Variants in DLGAP1 observed in about 807,000 individuals in gnomAD.
DLGAP1 encodes the protein DLG associated protein 1.
Under a neutral mutation model 90.8 loss-of-function variants are expected in DLGAP1, and 11 were observed. That is an observed-to-expected ratio of 0.12 (90% CI 0.08 to 0.20). The LOEUF (loss-of-function observed/expected upper bound fraction) is 0.20, where lower values mean the gene tolerates loss of function less well. DLGAP1 is among the 10% of genes least tolerant of loss of function. The pLI, the probability that DLGAP1 is intolerant of heterozygous loss-of-function variation, is 1.00. For missense variants in DLGAP1, 1,050 were observed against 1,333.8 expected, an observed-to-expected ratio of 0.79 and a Z score of 3.31; for synonymous variants, 558 against 540.7, an observed-to-expected ratio of 1.03 and a Z score of -0.44.
intron 2 of DLGAP1, among the ~76,000 whole-genome samples, chr18:4,017,841 C>T (rs1168425466): frequency 6.6e-6 from 1 of 152,034 alleles, no homozygotes; most frequent in Non-Finnish European, 1.5e-5. Context: ...CTACCTAAAG[C>T]CTAATGTGCT....
chr18:3,717,707 G>T (rs1490169050), intron 7 of DLGAP1, among the ~76,000 whole-genome samples: 2 of 152,198 alleles, frequency 1.3e-5, no homozygotes, highest in Non-Finnish European at 2.9e-5. Context: ...CACTGGAGCA[G>T]CAAATTTCCA....
At chr18:3,672,577 CAAAAAAAAAAAAA>C (rs60316690) in intron 7 of DLGAP1, among the ~76,000 whole-genome samples, 4 of 39,556 alleles carry the variant, frequency 1.0e-4, no homozygotes, top group African/African-American at 3.6e-4. Context: ...AACTCTATCT[CAAAAAAAAAAAAA>C]AAAAAAAAAA....
intron 3 of DLGAP1, among the ~76,000 whole-genome samples, chr18:3,991,952 A>G (rs2149053315): frequency 6.6e-6 from 1 of 152,220 alleles, no homozygotes. Flanking sequence ...AATTGAAGAG[A>G]TTTTTATCTC....
chr18:4,087,028 G>GATATAT (rs145482904), intron 2 of DLGAP1, among the ~76,000 whole-genome samples: 44,915 of 121,792 alleles, frequency 0.37, 11,917 homozygotes, highest in Non-Finnish European at 0.44. Flanking sequence ...CCTTGTCTGA[G>GATATAT]ATATATATAT....
chr18:4,189,053 C>A (rs2077349342), intron 1 of DLGAP1, among the ~76,000 whole-genome samples: 1 of 151,968 alleles, frequency 6.6e-6, no homozygotes, highest in Non-Finnish European at 1.5e-5. Context: ...TTTTTATGTT[C>A]TTTTCTGATT....
At chr18:4,119,923 C>A (rs923702979) in intron 2 of DLGAP1, among the ~76,000 whole-genome samples, 2 of 152,102 alleles carry the variant, frequency 1.3e-5, no homozygotes. Context: ...TTATTTGATA[C>A]AATGACTGAA....
intron 2 of DLGAP1, among the ~76,000 whole-genome samples, chr18:4,011,654 C>T (rs562437111): frequency 2.4e-3 from 359 of 151,674 alleles, no homozygotes; most frequent in Non-Finnish European, 3.9e-3. Context: ...TTGTCTCTAC[C>T]AAAAAATAAA....
At chr18:4,224,502 T>A (rs2078144269) in intron 1 of DLGAP1, among the ~76,000 whole-genome samples, 1 of 152,076 alleles carries the variant, frequency 6.6e-6, no homozygotes. Flanking sequence ...CCTGACCACA[T>A]TTGCCATAAG....
intron 3 of DLGAP1, among the ~76,000 whole-genome samples, chr18:3,895,110 T>G (rs1224364227): frequency 6.6e-6 from 1 of 152,188 alleles, no homozygotes; most frequent in Non-Finnish European, 1.5e-5. Flanking sequence ...CCTTTAATCG[T>G]GCAGGTGCTA....
At chr18:4,070,916 T>G (rs2075437728) in intron 2 of DLGAP1, among the ~76,000 whole-genome samples, 1 of 152,132 alleles carries the variant, frequency 6.6e-6, no homozygotes, top group African/African-American at 2.4e-5. Context: ...TTAGTGGACA[T>G]AAGAATCATC....
chr18:3,922,961 T>C (rs917771709), intron 3 of DLGAP1, among the ~76,000 whole-genome samples: 1 of 151,886 alleles, frequency 6.6e-6, no homozygotes, highest in East Asian at 1.9e-4. Context: ...GGTAAAAACC[T>C]CATCTCTACC....
rs115503002 is a variant in DLGAP1, at chr18:4,328,399, A to G, written c.-267+126607T>C. ...AATAATCTGTCCCTTTTCATAATGG[A>G]TAGTGTTCCATTGTATCTGTATTCC... is the stretch of plus-strand genomic sequence containing the variant. On this transcript the variant is annotated intron_variant, in intron 1 of 12. Coordinates refer to ENST00000315677, the MANE Select transcript of DLGAP1 (RefSeq NM_004746.4). Among the ~76,000 whole-genome samples the G allele has an allele frequency of 2.5e-3, 382 of 152,058 alleles. 2 individuals are homozygous for G. Among genetic ancestry groups the G allele is most frequent in the African/African-American group, 9.0e-3 (375 of 41,536 alleles).
intron 3 of DLGAP1, among the ~76,000 whole-genome samples, chr18:3,890,700 G>A (rs1349498030): frequency 6.6e-6 from 1 of 152,160 alleles, no homozygotes; most frequent in African/African-American, 2.4e-5. Context: ...GGCATTCATT[G>A]TTTCTGGATT....
chr18:4,418,984 T>C (rs149408181), intron 1 of DLGAP1, among the ~76,000 whole-genome samples: 3 of 152,196 alleles, frequency 2.0e-5, no homozygotes, highest in East Asian at 1.9e-4. Context: ...GAGGCAACTA[T>C]AGAAAAAGAT....
chr18:3,932,873 G>A (rs994551243), intron 3 of DLGAP1, among the ~76,000 whole-genome samples: 6 of 152,186 alleles, frequency 3.9e-5, no homozygotes, highest in Non-Finnish European at 8.8e-5. Context: ...GCTCCTAGAT[G>A]CAGCATGGAA....
chr18:4,342,558 T>G lies in DLGAP1; in HGVS notation c.-267+112448A>C, dbSNP rs1366185717. Among the ~76,000 whole-genome samples the G allele has an allele frequency of 2.6e-5, 4 of 152,162 alleles. No individual in the cohort carries two copies. Among genetic ancestry groups the G allele is most frequent in the Non-Finnish European group, 5.9e-5 (4 of 68,036 alleles). On this transcript the variant is annotated intron_variant, in intron 1 of 12. Coordinates refer to ENST00000315677, the MANE Select transcript of DLGAP1 (RefSeq NM_004746.4). The surrounding 1 kb of genome is among the most constrained non-coding windows in gnomAD (Gnocchi z 5.8). ...GTGCATTTACTTGTAAATGCTTTGA[T>G]GAAATAATTTAATTACATCATTCTT... is the stretch of plus-strand genomic sequence containing the variant.
At chr18:3,691,274 T>A (rs394349) in intron 7 of DLGAP1, among the ~76,000 whole-genome samples, 1 of 151,822 alleles carries the variant, frequency 6.6e-6, no homozygotes, top group African/African-American at 2.4e-5. Flanking sequence ...CACAGTGAAA[T>A]CCCATCTCCA....
At chr18:4,068,012 T>C (rs1339556853) in intron 2 of DLGAP1, among the ~76,000 whole-genome samples, 2 of 152,096 alleles carry the variant, frequency 1.3e-5, no homozygotes, top group Admixed American at 6.6e-5. Flanking sequence ...TTTGACTGTT[T>C]CCATTGACAC....
Position 3,951,887 on chromosome 18 carries a change from A to G in DLGAP1, c.-73+53229T>C, listed in dbSNP as rs538586848. Among the ~76,000 whole-genome samples, 6 of 152,256 alleles carry G rather than the reference A, an allele frequency of 3.9e-5. No homozygotes were observed. In the South Asian group the frequency reaches 1.2e-3, roughly 32 times the overall value. ...GCTTCTCCAGCCATGCAGAACTGTGAGTCGATTAAACCTTTTTTGTTTATA... is the reference window on the plus strand; with the variant it reads ...GCTTCTCCAGCCATGCAGAACTGTGGGTCGATTAAACCTTTTTTGTTTATA... On this transcript the variant is annotated intron_variant, in intron 3 of 12. Transcript: ENST00000315677.
Sources: gnomAD v4.1 joint callset for allele counts (sites outside exome capture counted in the v4.1 genomes callset) on GRCh38, gnomAD v4.1.1 for gene constraint, Gnocchi (gnomAD v3.1) non-coding constraint, MANE v1.5 for transcripts, NCBI Gene and HGNC (gene_info 2026-07-23, HGNC 2026-07-21) for gene names.